The following EEF1G variants were observed in gnomAD, a reference collection of about 807,000 sequenced individuals.
EEF1G encodes eukaryotic translation elongation factor 1 gamma.
EEF1G carries 14 observed loss-of-function variants against 58.3 expected under a neutral mutation model. The ratio of observed to expected loss-of-function variants is 0.24; its 90% confidence interval spans 0.16 to 0.38. The LOEUF (loss-of-function observed/expected upper bound fraction) is 0.38, where lower values mean the gene tolerates loss of function less well. Among genes scored for constraint, EEF1G ranks in the 10% least tolerant of loss-of-function variants. EEF1G has a pLI of 1.00. For synonymous variants in EEF1G, 180 were observed against 206.8 expected (o/e 0.87, Z 1.11); for missense variants, 322 against 550.1 (o/e 0.59, Z 4.15).
intron 7 of EEF1G, among the ~76,000 whole-genome samples, chr11:62,562,912 G>T (rs1941514722): frequency 6.6e-6 from 1 of 151,746 alleles, no homozygotes; most frequent in African/African-American, 2.4e-5. Flanking sequence ...TTTCAGCCTG[G>T]GAAATATAGC....
chr11:62,562,008 T>A (rs959765438), intron 7 of EEF1G, among the ~76,000 whole-genome samples: 3 of 152,182 alleles, frequency 2.0e-5, no homozygotes, highest in African/African-American at 4.8e-5. Context: ...ATGTATGAAG[T>A]TCCCAGGATT....
chr11:62,560,694 T>TG (rs1941483910), intron 7 of EEF1G, among the ~76,000 whole-genome samples: 1 of 152,200 alleles, frequency 6.6e-6, no homozygotes, highest in African/African-American at 2.4e-5. Flanking sequence ...CTCTGAGACC[T>TG]GCCCCAGGAA....
chr11:62,572,656 G>A lies in EEF1G; in HGVS notation c.99C>T (p.Ser33=), dbSNP rs1399205006. 3 of 1,612,792 alleles carry A rather than the reference G, an allele frequency of 1.9e-6. No homozygotes were observed. The highest frequency in any genetic ancestry group is 2.2e-5 in the East Asian group (1 of 44,878). ...QYSGAQVRVL[S]APPHFHFGQT... ...GGCCAAAATGGAAGTGGGGTGGTGCGGAGAGCACGCGGACCTGAGCCCCGC... is the reference window on the plus strand; with the variant it reads ...GGCCAAAATGGAAGTGGGGTGGTGCAGAGAGCACGCGGACCTGAGCCCCGC... Residue 33 remains serine, a synonymous_variant, in exon 2 of 10, where the codon TCC becomes TCT. Transcript: ENST00000329251.
intron 1 of EEF1G, chr11:62,573,539 T>C: frequency 5.4e-6 from 3 of 552,422 alleles, no homozygotes; most frequent in East Asian, 3.0e-5. Context: ...CCTGCCCAGA[T>C]ACCACGCCTC....
At chr11:62,573,473 T>C (rs2134298503) in intron 1 of EEF1G, 1 of 356,188 alleles carries the variant, frequency 2.8e-6, no homozygotes, top group Non-Finnish European at 5.2e-6. Flanking sequence ...ACAAAGACCC[T>C]CCTCTTCAAC....
At chr11:62,572,809 G>C in intron 1 of EEF1G, 67 bp from the exon 2 acceptor site, 1 of 1,466,234 alleles carries the variant, frequency 6.8e-7, no homozygotes, top group Non-Finnish European at 9.3e-7. Context: ...CCACTCTCCA[G>C]GATGACTTTC....
chr11:62,571,249 G>A, intron 4 of EEF1G, 141 bp from the exon 5 acceptor site: 4 of 1,352,344 alleles, frequency 3.0e-6, no homozygotes, highest in Non-Finnish European at 3.1e-6. Context: ...CAGATCCTAG[G>A]GTCATTCTAA....
Position 62,571,879 on chromosome 11 carries a change from T to C in EEF1G, c.194A>G (p.Asp65Gly), listed in dbSNP as rs1230841842. The change falls in exon 3 of 10, where the codon GAT becomes GGT. Residue 65 changes from aspartate to glycine, a missense_variant. Around this residue, in one of 3 missense-constraint regions of EEF1G, gnomAD observed 62 missense variants for 87.0 expected, o/e 0.71. Coordinates refer to ENST00000329251, the MANE Select transcript of EEF1G (RefSeq NM_001404.5). The stretch of plus-strand genomic sequence containing the variant: ...GTTGCTCTCAAACACACAGAATCCA[T>C]CATCACCCTCAAATGCTGGGACCTG... ...AGKVPAFEGD[D>G]GFCVFESNAI... is the part of the protein sequence containing the mutation. 6.3e-7 allele frequency: 1 copy of C among 1,584,716 alleles called. No homozygotes were observed. The highest frequency in any genetic ancestry group is 2.3e-5 in the East Asian group (1 of 43,740).
Position 62,571,696 on chromosome 11 carries a change from A to G in EEF1G, c.236-14T>C. The G allele has an allele frequency of 6.3e-7, 1 of 1,583,274 alleles. No homozygotes were observed. Among genetic ancestry groups the G allele is most frequent in the South Asian group, 1.2e-5 (1 of 86,466 alleles). On this transcript the variant is annotated splice_polypyrimidine_tract_variant and intron_variant, in intron 3 of 9. Coordinates refer to ENST00000329251, the MANE Select transcript of EEF1G (RefSeq NM_001404.5). ...CCTCATTGCTCACTGCAGAGGCAGA[A>G]CACGAAGGTCAGAACTCTGGGGGAA...
At chr11:62,572,887 G>GGT in intron 1 of EEF1G, 145 bp from the exon 2 acceptor site, 3 of 664,792 alleles carry the variant, frequency 4.5e-6, no homozygotes, top group Non-Finnish European at 7.3e-6. Flanking sequence ...TTTAGTACTT[G>GGT]TCATATGTAA....
In EEF1G at chr11:62,560,403, G is replaced by C. The variant is rs375243177; in HGVS notation, c.909C>G (p.Leu303=). The C allele has an allele frequency of 1.1e-5, 18 of 1,609,816 alleles. No individual in the cohort carries two copies. Among genetic ancestry groups the C allele is most frequent in the African/African-American group, 2.7e-5 (2 of 74,862 alleles). Residue 303 remains leucine, a synonymous_variant, in exon 8 of 10, where the codon CTC becomes CTG. Coordinates refer to ENST00000329251, the MANE Select transcript of EEF1G (RefSeq NM_001404.5). ...FKRKYSNEDT[L]SVALPYFWEH... ...CCCAGAAATATGGCAGTGCCACAGAGAGTGTGTCCTCATTGGAGTACTTGC... is the reference window on the plus strand; with the variant it reads ...CCCAGAAATATGGCAGTGCCACAGACAGTGTGTCCTCATTGGAGTACTTGC...
intron 1 of EEF1G, chr11:62,573,351 C>G (rs959024881): frequency 1.1e-5 from 2 of 178,004 alleles, no homozygotes; most frequent in African/African-American, 4.8e-5. Flanking sequence ...TTGGGCTTCT[C>G]TATTATGCCG....
At chr11:62,562,232 C>T (rs1173659100) in intron 7 of EEF1G, among the ~76,000 whole-genome samples, 2 of 152,204 alleles carry the variant, frequency 1.3e-5, no homozygotes, top group East Asian at 3.8e-4. Flanking sequence ...TTCCCCTCCC[C>T]TTCCTAAACC....
At chr11:62,565,351 A>C (rs1437113931) in intron 7 of EEF1G, among the ~76,000 whole-genome samples, 1 of 151,970 alleles carries the variant, frequency 6.6e-6, no homozygotes, top group Non-Finnish European at 1.5e-5. Context: ...ACGCTACTGC[A>C]CTCCAGATTG....
Position 62,571,698 on chromosome 11 carries a change from A to G in EEF1G, c.236-16T>C. 1 of 1,582,718 alleles carries G rather than the reference A, an allele frequency of 6.3e-7. No homozygotes were observed. Among genetic ancestry groups the G allele is most frequent in the Non-Finnish European group, 8.6e-7 (1 of 1,164,588 alleles). On this transcript the variant is annotated splice_polypyrimidine_tract_variant and intron_variant, in intron 3 of 9. Coordinates refer to ENST00000329251, the MANE Select transcript of EEF1G (RefSeq NM_001404.5). ...TCATTGCTCACTGCAGAGGCAGAACACGAAGGTCAGAACTCTGGGGGAATG... is the reference window on the plus strand; with the variant it reads ...TCATTGCTCACTGCAGAGGCAGAACGCGAAGGTCAGAACTCTGGGGGAATG...
chr11:62,571,433 T>C, intron 4 of EEF1G, 107 bp downstream of exon 4: 2 of 1,447,558 alleles, frequency 1.4e-6, no homozygotes, highest in African/African-American at 2.9e-5. Flanking sequence ...TCTCATTGCC[T>C]ACATATCCTT....
At chr11:62,573,801 G>A (rs1375521699) in intron 1 of EEF1G, 30 bp downstream of exon 1, 2 of 1,613,484 alleles carry the variant, frequency 1.2e-6, no homozygotes, top group Non-Finnish European at 1.7e-6. Flanking sequence ...TGGATAGGAT[G>A]ACCCGAACCA....
intron 9 of EEF1G, 32 bp downstream of exon 9, chr11:62,560,037 C>T: frequency 6.2e-7 from 1 of 1,613,772 alleles, no homozygotes; most frequent in Non-Finnish European, 8.5e-7. Flanking sequence ...CTGCCCCACC[C>T]TAAAGAGACT....
At chr11:62,570,033 C>T (rs1941607068) in intron 5 of EEF1G, among the ~76,000 whole-genome samples, 1 of 151,836 alleles carries the variant, frequency 6.6e-6, no homozygotes, top group Non-Finnish European at 1.5e-5. Context: ...AGGCTTGAAC[C>T]TGTATCTGTC....
Sources: gnomAD v4.1 joint callset for allele counts (sites outside exome capture counted in the v4.1 genomes callset) on GRCh38, gnomAD v4.1.1 for gene constraint, gnomAD v4.1.1 regional missense constraint, MANE v1.5 for transcripts, NCBI Gene and HGNC (gene_info 2026-07-23, HGNC 2026-07-21) for gene names.